LPIN1: variants seen among roughly 807,000 people sequenced by gnomAD.
The protein encoded by LPIN1 is lipin 1, also known as phosphatidate phosphatase LPIN1.
A neutral mutation model predicts 107.5 loss-of-function variants in LPIN1; 71 were observed. That is an observed-to-expected ratio of 0.66 (90% confidence interval 0.55 to 0.80). LPIN1 has a LOEUF of 0.80. Among genes scored for constraint, LPIN1 ranks in the 30% least tolerant of loss-of-function variants. The probability of loss-of-function intolerance (pLI) is 0.00; values close to 1 mark genes in which losing one functional copy is unlikely to be tolerated. For missense variants in LPIN1, 1,043 were observed against 1,160.6 expected, an observed-to-expected ratio of 0.90 and a Z score of 1.47; for synonymous variants, 445 against 452.6, an observed-to-expected ratio of 0.98 and a Z score of 0.21.
Position 11,796,216 on chromosome 2 carries a change from G to A in LPIN1, c.1886+729G>A, listed in dbSNP as rs138747293. 1.2e-3 allele frequency among the ~76,000 whole-genome samples: 179 copies of A among 152,280 alleles called. 1 individual carries two copies. Among genetic ancestry groups the A allele is most frequent in the African/African-American group, 4.0e-3 (167 of 41,538 alleles). ...AGAAAGTGCTAACAGATTAATTGGG[G>A]CCAGATCCACATCTTACTCATTTTT... is the stretch of plus-strand genomic sequence containing the variant. On this transcript the variant is annotated intron_variant, in intron 14 of 20. Coordinates refer to ENST00000674199, the MANE Select transcript of LPIN1 (RefSeq NM_001349206.2).
chr2:11,721,263 CGTGT>C (rs5829326), upstream of LPIN1, among the ~76,000 whole-genome samples: 9,676 of 129,572 alleles, frequency 0.075, 304 homozygotes, highest in Admixed American at 0.094. Context: ...GTACTGCATG[CGTGT>C]GTGTGTGTGT....
At chr2:11,775,098 T>A (rs1672454799) in intron 5 of LPIN1, among the ~76,000 whole-genome samples, 1 of 152,218 alleles carries the variant, frequency 6.6e-6, no homozygotes, top group African/African-American at 2.4e-5. Context: ...TCTGTTTACA[T>A]ACCAAGTCTT....
intron 1 of LPIN1, among the ~76,000 whole-genome samples, chr2:11,756,038 A>G (rs115691334): frequency 0.023 from 3,545 of 152,314 alleles, 59 homozygotes; most frequent in African/African-American, 0.046. Flanking sequence ...TCTTAAAGAA[A>G]GGAGAGTAGG....
intron 17 of LPIN1, among the ~76,000 whole-genome samples, chr2:11,807,063 G>T (rs1392347023): frequency 6.6e-6 from 1 of 152,162 alleles, no homozygotes; most frequent in East Asian, 1.9e-4. Flanking sequence ...CAACAGTGAT[G>T]CAGTAAGCGT....
intron 1 of LPIN1, among the ~76,000 whole-genome samples, chr2:11,755,342 G>T (rs1339408366): frequency 6.6e-6 from 1 of 152,042 alleles, no homozygotes; most frequent in Non-Finnish European, 1.5e-5. Context: ...AGGGTGGTGG[G>T]TGCATCTTGC....
chr2:11,731,144 G>A (rs533872566), intron 1 of LPIN1, among the ~76,000 whole-genome samples: 1 of 152,296 alleles, frequency 6.6e-6, no homozygotes, highest in South Asian at 2.1e-4. Context: ...ATGTGCTGTG[G>A]TGGTTTGCTG....
chr2:11,730,300 G>A (rs1665063734), intron 1 of LPIN1, among the ~76,000 whole-genome samples: 1 of 152,108 alleles, frequency 6.6e-6, no homozygotes, highest in African/African-American at 2.4e-5. Context: ...ACCTTTGTTA[G>A]GACAGTTTTG....
In LPIN1 at chr2:11,785,186, TTAA is replaced by T. The variant is rs1674336406; in HGVS notation, c.1549+112_1549+114del. On this transcript the variant is annotated intron_variant, in intron 10 of 20. Coordinates refer to ENST00000674199, the MANE Select transcript of LPIN1 (RefSeq NM_001349206.2). ...AAGGCAGCTTTTCCCTTGGTTGCGG[TTAA>T]TGATAGCACAGATGATAGCACCGAA... is the stretch of plus-strand genomic sequence containing the variant. The T allele has an allele frequency of 5.0e-6, 4 of 794,198 alleles. No individual in the cohort carries two copies. The Admixed American group carries it at 1.2e-4, about 23-fold the overall frequency. The allele number at this position is 794,198 out of a possible 1,614,324, so 49.2% of individuals were successfully genotyped here.
At chr2:11,760,061 G>A (rs1262146667) in intron 1 of LPIN1, among the ~76,000 whole-genome samples, 1 of 151,472 alleles carries the variant, frequency 6.6e-6, no homozygotes, top group African/African-American at 2.4e-5. Context: ...CCGGGCAGAG[G>A]CGCTCCTCAC....
upstream of LPIN1, chr2:11,746,591 C>T (rs919981559): frequency 8.2e-6 from 8 of 981,556 alleles, no homozygotes; most frequent in African/African-American, 1.7e-5. Context: ...CCCTGCCCCG[C>T]CCCCGAAGGC....
chr2:11,736,452 A>G (rs1292392778), intron 1 of LPIN1, among the ~76,000 whole-genome samples: 1 of 152,130 alleles, frequency 6.6e-6, no homozygotes, highest in African/African-American at 2.4e-5. Flanking sequence ...TAAGGGCACA[A>G]ATCCCATCAT....
chr2:11,698,216 C>T (rs766627168), intron 1 of LPIN1, among the ~76,000 whole-genome samples: 2 of 152,202 alleles, frequency 1.3e-5, no homozygotes, highest in Non-Finnish European at 2.9e-5. Flanking sequence ...CTCCCCTGGC[C>T]GGGCCCAGAT....
rs776659689 is a variant in LPIN1, at chr2:11,820,587, G to T, written c.2621+73G>T. On this transcript the variant is annotated intron_variant, in intron 20 of 20. Coordinates refer to ENST00000674199, the MANE Select transcript of LPIN1 (RefSeq NM_001349206.2). ...CTTAAAACGGTGCTTCCCAGTTTGC[G>T]GTGTACCTTTTCCCCTTTGCTGCCT... 1.3e-5 allele frequency: 14 copies of T among 1,114,464 alleles called. No homozygotes were observed. In the South Asian group the frequency reaches 1.8e-4, roughly 14 times the overall value. 69.0% of individuals were successfully genotyped at this position (1,114,464 alleles called of 1,614,324 possible).
intron 14 of LPIN1, 46 bp from the exon 15 acceptor site, chr2:11,802,861 C>T (rs749384174): frequency 2.5e-6 from 4 of 1,607,574 alleles, no homozygotes; most frequent in Admixed American, 1.7e-5. Flanking sequence ...TTCATGGCTA[C>T]CCAGATGCAT....
chr2:11,795,039 G>A (rs759647385), intron 13 of LPIN1, among the ~76,000 whole-genome samples: 6 of 152,150 alleles, frequency 3.9e-5, no homozygotes, highest in Non-Finnish European at 7.3e-5. Flanking sequence ...ATTTTCAAGC[G>A]TTTCTATCAG....
intron 14 of LPIN1, among the ~76,000 whole-genome samples, chr2:11,802,138 G>T (rs1677864799): frequency 6.6e-6 from 1 of 152,116 alleles, no homozygotes; most frequent in Non-Finnish European, 1.5e-5. Context: ...TTCAAAGATA[G>T]TGGTCCTGGG....
intron 8 of LPIN1, among the ~76,000 whole-genome samples, chr2:11,783,082 CTGTG>C: frequency 6.6e-6 from 1 of 152,318 alleles, no homozygotes; most frequent in Non-Finnish European, 1.5e-5. Flanking sequence ...GCACTCCTGG[CTGTG>C]TGTTAGTATC....
Position 11,779,525 on chromosome 2 carries a change from C to T in LPIN1, c.837C>T (p.Ser279=), listed in dbSNP as rs779535108. 3.7e-6 allele frequency: 6 copies of T among 1,613,530 alleles called. No homozygotes were observed. The highest frequency in any genetic ancestry group is 1.8e-4 in the Middle Eastern group (1 of 5,616). The change falls in exon 7 of 21, where the codon TCC becomes TCT. Residue 279 remains serine, a synonymous_variant. Coordinates refer to ENST00000674199, the MANE Select transcript of LPIN1 (RefSeq NM_001349206.2). ...SSLFHPSESP[S]GSRPSTPKSD... ...GCTTTGTGTTTTCCTTAAGTCCTTCCGGTTCCCGACCTTCAACACCTAAAA... is the reference window on the plus strand; with the variant it reads ...GCTTTGTGTTTTCCTTAAGTCCTTCTGGTTCCCGACCTTCAACACCTAAAA...
At chr2:11,762,839 C>A (rs893585673) in intron 1 of LPIN1, among the ~76,000 whole-genome samples, 2 of 152,194 alleles carry the variant, frequency 1.3e-5, no homozygotes, top group Non-Finnish European at 2.9e-5. Flanking sequence ...TTGTGAGCCA[C>A]AGGTTCACAC....
Sources: gnomAD v4.1 joint callset for allele counts (sites outside exome capture counted in the v4.1 genomes callset) on GRCh38, gnomAD v4.1.1 for gene constraint, MANE v1.5 for transcripts, NCBI Gene and HGNC (gene_info 2026-07-23, HGNC 2026-07-21) for gene names.